CPNE4: variants seen among roughly 807,000 people sequenced by gnomAD.
CPNE4 encodes the protein copine 4.
A neutral mutation model predicts 67.9 loss-of-function variants in CPNE4; 25 were observed. The ratio of observed to expected loss-of-function variants is 0.37; its 90% confidence interval spans 0.27 to 0.51. The LOEUF (loss-of-function observed/expected upper bound fraction) is 0.51, where lower values mean the gene tolerates loss of function less well. Among genes scored for constraint, CPNE4 ranks in the 20% least tolerant of loss-of-function variants. The probability of loss-of-function intolerance (pLI) is 0.93; values close to 1 mark genes in which losing one functional copy is unlikely to be tolerated. For synonymous variants in CPNE4, 242 were observed against 244.9 expected (o/e 0.99, Z 0.11); for missense variants, 464 against 690.8 (o/e 0.67, Z 3.68).
intron 2 of CPNE4, among the ~76,000 whole-genome samples, chr3:131,901,951 A>G (rs927158187): frequency 6.6e-6 from 1 of 152,122 alleles, no homozygotes; most frequent in East Asian, 1.9e-4. Context: ...TCCAGCCCTA[A>G]GCAGAGTTCC....
intron 2 of CPNE4, among the ~76,000 whole-genome samples, chr3:131,758,540 G>C (rs2082810069): frequency 6.6e-6 from 1 of 152,184 alleles, no homozygotes; most frequent in Admixed American, 6.5e-5. Flanking sequence ...CTTTGTCTCA[G>C]ATGAGACTTT....
intron 7 of CPNE4, among the ~76,000 whole-genome samples, chr3:131,656,773 G>A (rs2079980823): frequency 1.3e-5 from 2 of 152,158 alleles, no homozygotes; most frequent in Admixed American, 6.5e-5. Context: ...TGAAGGAGAT[G>A]GTGATTAGAT....
chr3:131,694,613 C>T (rs987953587), intron 5 of CPNE4, among the ~76,000 whole-genome samples: 1 of 152,114 alleles, frequency 6.6e-6, no homozygotes, highest in Non-Finnish European at 1.5e-5. Context: ...AAAAGGCCAC[C>T]GAGCATCTCC....
intron 2 of CPNE4, among the ~76,000 whole-genome samples, chr3:131,898,405 A>C (rs919306207): frequency 6.6e-6 from 1 of 152,104 alleles, no homozygotes; most frequent in Non-Finnish European, 1.5e-5. Flanking sequence ...AGTAAGGCTA[A>C]TGTCATGTTT....
chr3:131,617,081 G>A (rs1051152774), intron 7 of CPNE4, among the ~76,000 whole-genome samples: 2 of 152,146 alleles, frequency 1.3e-5, no homozygotes, highest in Non-Finnish European at 2.9e-5. Flanking sequence ...AAGGAAGCTG[G>A]TATTCTTTGA....
At chr3:131,799,217 G>C (rs1237149659) in intron 2 of CPNE4, among the ~76,000 whole-genome samples, 1 of 152,118 alleles carries the variant, frequency 6.6e-6, no homozygotes, top group Non-Finnish European at 1.5e-5. Flanking sequence ...GCTGGGCAAG[G>C]ACATTTTCCT....
chr3:131,594,360 C>G (rs534529652), intron 7 of CPNE4, among the ~76,000 whole-genome samples: 1 of 151,968 alleles, frequency 6.6e-6, no homozygotes, highest in South Asian at 2.1e-4. Flanking sequence ...GCAAATAGAC[C>G]AATAGAACAG....
chr3:131,593,258 A>G (rs55710628), intron 7 of CPNE4, among the ~76,000 whole-genome samples: 19,019 of 152,258 alleles, frequency 0.12, 1,560 homozygotes, highest in African/African-American at 0.23. Context: ...TCTGTAGTAC[A>G]GACATTTGAA....
At chr3:131,837,320 AAATTGTTGG>A in intron 2 of CPNE4, among the ~76,000 whole-genome samples, 1 of 152,296 alleles carries the variant, frequency 6.6e-6, no homozygotes, top group East Asian at 1.9e-4. Flanking sequence ...CCAGTTGAAT[AAATTGTTGG>A]ATGTCTATAT....
chr3:132,035,446 G>A (rs1226696886), upstream of CPNE4: 1 of 152,176 alleles, frequency 6.6e-6, no homozygotes, highest in Non-Finnish European at 1.5e-5. Flanking sequence ...CAGGAGCCTG[G>A]AAATTATTTT....
intron 2 of CPNE4, among the ~76,000 whole-genome samples, chr3:131,790,135 C>T (rs976260642): frequency 1.3e-5 from 2 of 152,144 alleles, no homozygotes; most frequent in Non-Finnish European, 2.9e-5. Context: ...ATAATGCCAA[C>T]TTGGATTCAT....
At chr3:131,725,370 A>T (rs1240168402) in intron 2 of CPNE4, among the ~76,000 whole-genome samples, 1 of 152,208 alleles carries the variant, frequency 6.6e-6, no homozygotes, top group Non-Finnish European at 1.5e-5. Context: ...GGAGAAGAGT[A>T]TGATTCTGAT....
chr3:132,010,706 C>G (rs1325270318), intron 1 of CPNE4, among the ~76,000 whole-genome samples: 1 of 152,178 alleles, frequency 6.6e-6, no homozygotes, highest in East Asian at 1.9e-4. Flanking sequence ...GGCCGTGACT[C>G]TCTTCATTGC....
intron 2 of CPNE4, among the ~76,000 whole-genome samples, chr3:131,829,172 C>T (rs2085278019): frequency 6.6e-6 from 1 of 152,126 alleles, no homozygotes; most frequent in South Asian, 2.1e-4. Context: ...GGCCTTCCCC[C>T]ATAACTCAAT....
chr3:131,846,843 G>GTT (rs201043511), intron 2 of CPNE4, among the ~76,000 whole-genome samples: 5,259 of 152,238 alleles, frequency 0.035, 229 homozygotes, highest in African/African-American at 0.099. Context: ...CCTACATGTG[G>GTT]CTGCTAGGGC....
chr3:131,946,682 C>T (rs1317347372), intron 1 of CPNE4, among the ~76,000 whole-genome samples: 1 of 152,018 alleles, frequency 6.6e-6, no homozygotes, highest in Non-Finnish European at 1.5e-5. Flanking sequence ...ATATTTTCTC[C>T]CATTCTGTAA....
chr3:131,665,369 T>G (rs1412053069), intron 7 of CPNE4, among the ~76,000 whole-genome samples: 1 of 152,020 alleles, frequency 6.6e-6, no homozygotes, highest in Non-Finnish European at 1.5e-5. Flanking sequence ...GTAGTATGAT[T>G]ATATATTTGG....
intron 6 of CPNE4, among the ~76,000 whole-genome samples, chr3:131,675,723 A>G (rs1347889673): frequency 6.6e-6 from 1 of 151,086 alleles, no homozygotes. Context: ...TTTGTAGTCT[A>G]AATATCACTG....
chr3:131,811,446 T>G (rs995557120), intron 2 of CPNE4, among the ~76,000 whole-genome samples: 2 of 152,094 alleles, frequency 1.3e-5, no homozygotes, highest in African/African-American at 4.8e-5. Context: ...GTTGGGACAT[T>G]AGAGCATGGT....
Sources: allele counts gnomAD v4.1 joint callset (sites outside exome capture counted in the v4.1 genomes callset), GRCh38; gene constraint gnomAD v4.1.1; transcripts MANE v1.5; gene names NCBI Gene and HGNC (gene_info 2026-07-23, HGNC 2026-07-21).